CAMTA1: variants seen among roughly 807,000 people sequenced by gnomAD.
CAMTA1 encodes calmodulin binding transcription activator 1.
In CAMTA1, 27 loss-of-function variants were observed where a neutral mutation model predicts 170.9. That is an observed-to-expected ratio of 0.16 (90% CI 0.12 to 0.22). CAMTA1 has a LOEUF of 0.22. Ranked by LOEUF, CAMTA1 falls within the 10% of genes least tolerant of loss-of-function variation. The pLI, the probability that CAMTA1 is intolerant of heterozygous loss-of-function variation, is 1.00. For missense variants in CAMTA1, 1,619 were observed against 2,217.2 expected (o/e 0.73, Z 5.42); for synonymous variants, 833 against 891.5 (o/e 0.93, Z 1.17).
chr1:6,848,245 C>A (rs1659043695), intron 3 of CAMTA1, among the ~76,000 whole-genome samples: 1 of 152,176 alleles, frequency 6.6e-6, no homozygotes, highest in Non-Finnish European at 1.5e-5. Context: ...TCCTTGGCCT[C>A]AAACAATCCT....
chr1:7,089,173 G>A (rs1641142937), intron 3 of CAMTA1, among the ~76,000 whole-genome samples: 1 of 152,150 alleles, frequency 6.6e-6, no homozygotes, highest in Non-Finnish European at 1.5e-5. Context: ...CTGCCAGCCA[G>A]TGTATTTAGA....
At chr1:7,579,760 A>G (rs2095242830) in intron 6 of CAMTA1, among the ~76,000 whole-genome samples, 1 of 151,730 alleles carries the variant, frequency 6.6e-6, no homozygotes, top group Non-Finnish European at 1.5e-5. Flanking sequence ...GGGTTTCACC[A>G]TGTTGGTCAG....
intron 3 of CAMTA1, among the ~76,000 whole-genome samples, chr1:7,070,236 C>T (rs1355440573): frequency 6.6e-6 from 1 of 152,230 alleles, no homozygotes; most frequent in Non-Finnish European, 1.5e-5. Context: ...GGCGCCCCGA[C>T]ATCGCAGCTA....
intron 11 of CAMTA1, among the ~76,000 whole-genome samples, chr1:7,715,432 C>CTTTTTT (rs34965685): frequency 4.2e-5 from 6 of 142,272 alleles, no homozygotes. Flanking sequence ...TAGCCACACA[C>CTTTTTT]TTTTTTTTTT....
intron 5 of CAMTA1, chr1:7,382,521 C>T (rs953065097): frequency 1.3e-5 from 2 of 152,202 alleles, no homozygotes; most frequent in Non-Finnish European, 2.9e-5. Context: ...GCCTCTAGTA[C>T]TAGCTATGGG....
chr1:7,256,173 C>T (rs1667333995), intron 5 of CAMTA1, among the ~76,000 whole-genome samples: 1 of 152,220 alleles, frequency 6.6e-6, no homozygotes. Flanking sequence ...TTTCTAATTA[C>T]TTGGCATCCC....
At chr1:6,924,683 C>A (rs867858277) in intron 3 of CAMTA1, among the ~76,000 whole-genome samples, 1 of 152,214 alleles carries the variant, frequency 6.6e-6, no homozygotes, top group Non-Finnish European at 1.5e-5. Context: ...TACTAAGAAG[C>A]ATGTTCCAGC....
intron 3 of CAMTA1, among the ~76,000 whole-genome samples, chr1:6,931,072 G>A (rs1278901897): frequency 6.6e-6 from 1 of 152,200 alleles, no homozygotes; most frequent in African/African-American, 2.4e-5. Context: ...AGAATAAAAG[G>A]CTACAAGGCA....
chr1:6,987,114 T>C (rs1324999483), intron 3 of CAMTA1, among the ~76,000 whole-genome samples: 2 of 151,890 alleles, frequency 1.3e-5, no homozygotes, highest in African/African-American at 2.4e-5. Flanking sequence ...CATATTGTCA[T>C]CACTGGGTAA....
At chr1:7,541,525 G>T (rs1226181290) in intron 6 of CAMTA1, among the ~76,000 whole-genome samples, 1 of 152,228 alleles carries the variant, frequency 6.6e-6, no homozygotes, top group Non-Finnish European at 1.5e-5. Flanking sequence ...GCTGCCCAAG[G>T]TGCACGGAAT....
intron 5 of CAMTA1, among the ~76,000 whole-genome samples, chr1:7,382,098 A>C (rs2149070654): frequency 6.6e-6 from 1 of 152,334 alleles, no homozygotes. Flanking sequence ...GCAGGAAAGG[A>C]GAGAACAACG....
intron 3 of CAMTA1, among the ~76,000 whole-genome samples, chr1:7,084,449 T>C (rs1443273649): frequency 6.6e-6 from 1 of 150,844 alleles, no homozygotes; most frequent in African/African-American, 2.4e-5. Flanking sequence ...GGGGAGGGAG[T>C]GGGGGCAGCA....
chr1:7,668,429 A>ACC (rs1287265403), intron 9 of CAMTA1, among the ~76,000 whole-genome samples: 88 of 126,644 alleles, frequency 6.9e-4, no homozygotes, highest in East Asian at 1.1e-3. Context: ...ACACACACAC[A>ACC]CACCCACCAC....
chr1:7,340,353 T>C (rs368876682), intron 5 of CAMTA1, among the ~76,000 whole-genome samples: 6 of 152,238 alleles, frequency 3.9e-5, no homozygotes, highest in African/African-American at 1.2e-4. Flanking sequence ...CCCCGACTTA[T>C]GCTTGTGTCC....
intron 3 of CAMTA1, among the ~76,000 whole-genome samples, chr1:6,828,742 A>G (rs544978417): frequency 1.3e-5 from 2 of 152,220 alleles, no homozygotes; most frequent in East Asian, 3.9e-4. Context: ...TTTGGTCAAG[A>G]GAGCATACTT....
intron 5 of CAMTA1, among the ~76,000 whole-genome samples, chr1:7,404,196 T>C (rs1383693999): frequency 6.6e-6 from 1 of 152,214 alleles, no homozygotes; most frequent in Non-Finnish European, 1.5e-5. Flanking sequence ...TGTCCCTCCA[T>C]GGCCCATTGG....
intron 6 of CAMTA1, among the ~76,000 whole-genome samples, chr1:7,493,820 G>T (rs980058975): frequency 1.3e-5 from 2 of 152,166 alleles, no homozygotes; most frequent in African/African-American, 4.8e-5. Context: ...TAGTCTTGTG[G>T]GTGTGTGCTC....
intron 4 of CAMTA1, among the ~76,000 whole-genome samples, chr1:7,247,436 A>G (rs1465072949): frequency 4.6e-5 from 7 of 152,210 alleles, no homozygotes; most frequent in South Asian, 4.1e-4. Context: ...TAGAAAGGGC[A>G]AGGGATGGAA....
At chr1:7,440,848 A>G (rs764718069) in intron 5 of CAMTA1, among the ~76,000 whole-genome samples, 4 of 152,138 alleles carry the variant, frequency 2.6e-5, no homozygotes, top group Non-Finnish European at 5.9e-5. Flanking sequence ...ACTTCATCAC[A>G]CTGTTTTGGG....
Sources: gnomAD v4.1 joint callset for allele counts (sites outside exome capture counted in the v4.1 genomes callset) on GRCh38, gnomAD v4.1.1 for gene constraint, MANE v1.5 for transcripts, NCBI Gene and HGNC (gene_info 2026-07-23, HGNC 2026-07-21) for gene names.